Variants in FGF14 observed in about 807,000 individuals in gnomAD.
FGF14 encodes fibroblast growth factor 14.
In FGF14, 5 loss-of-function variants were observed where a neutral mutation model predicts 25.5. The ratio of observed to expected loss-of-function variants is 0.20; its 90% CI spans 0.10 to 0.41. The LOEUF (loss-of-function observed/expected upper bound fraction) is 0.41, where lower values mean the gene tolerates loss of function less well. FGF14 is among the 10% of genes least tolerant of loss of function. The pLI is 1.00. For missense variants in FGF14, 222 were observed against 320.1 expected (o/e 0.69, Z 2.34); for synonymous variants, 138 against 118.3 (o/e 1.17, Z -1.08).
At chr13:101,772,547 T>G (rs1197216274) in intron 3 of FGF14, among the ~76,000 whole-genome samples, 1 of 152,084 alleles carries the variant, frequency 6.6e-6, no homozygotes, top group African/African-American at 2.4e-5. Context: ...TATCTCTAGT[T>G]AAATGTGGGC....
At chr13:102,299,844 C>T (rs2054934822) in intron 1 of FGF14, 1 of 152,040 alleles carries the variant, frequency 6.6e-6, no homozygotes, top group Non-Finnish European at 1.5e-5. Context: ...TTTGAGAACA[C>T]ATCAACTTGG....
intron 1 of FGF14, among the ~76,000 whole-genome samples, chr13:102,378,007 G>A (rs1156575054): frequency 6.6e-6 from 1 of 152,198 alleles, no homozygotes; most frequent in Non-Finnish European, 1.5e-5. Context: ...AAGACTCAGT[G>A]ACAGAACAAG....
chr13:101,912,235 C>T (rs1315753376), intron 1 of FGF14, among the ~76,000 whole-genome samples: 1 of 152,044 alleles, frequency 6.6e-6, no homozygotes, highest in African/African-American at 2.4e-5. Context: ...ACTTTCCATT[C>T]CTTATACATA....
chr13:102,254,798 G>A (rs1044676996), intron 1 of FGF14, among the ~76,000 whole-genome samples: 1 of 152,194 alleles, frequency 6.6e-6, no homozygotes, highest in African/African-American at 2.4e-5. Flanking sequence ...CCCCTGAGGA[G>A]CAAAATGGCT....
intron 1 of FGF14, among the ~76,000 whole-genome samples, chr13:102,024,894 A>T (rs530833642): frequency 3.9e-5 from 6 of 151,920 alleles, no homozygotes; most frequent in African/African-American, 1.4e-4. Flanking sequence ...TCAATTGACC[A>T]TCAATGTTAG....
At chr13:101,966,749 G>A (rs1594854326) in intron 1 of FGF14, among the ~76,000 whole-genome samples, 1 of 152,124 alleles carries the variant, frequency 6.6e-6, no homozygotes, top group Non-Finnish European at 1.5e-5. Flanking sequence ...CCTAAGTGCT[G>A]GGATTACAGG....
chr13:102,161,767 A>G (rs917133616), intron 1 of FGF14, among the ~76,000 whole-genome samples: 2 of 151,678 alleles, frequency 1.3e-5, no homozygotes, highest in African/African-American at 4.8e-5. Context: ...ACTAAGCTCT[A>G]TGTGGGCAGG....
In FGF14 at chr13:102,400,949, G is replaced by A. The variant is rs1430946108; in HGVS notation, c.208+522C>T. ...GGAGCTGGACGGGGGAGGGACGCGG[G>A]GGCTGACGGAGGAGCGGGGCCGCGA... On this transcript the variant is annotated intron_variant, in intron 1 of 4. Coordinates refer to the FGF14 transcript ENST00000376131. The surrounding 1 kb of genome is among the most constrained non-coding windows in gnomAD (Gnocchi z 4.3). 6.6e-6 allele frequency among the ~76,000 whole-genome samples: 1 copy of A among 152,126 alleles called. No homozygotes were observed. Among genetic ancestry groups the A allele is most frequent in the African/African-American group, 2.4e-5 (1 of 41,416 alleles).
intron 1 of FGF14, among the ~76,000 whole-genome samples, chr13:102,325,857 G>T (rs2056408381): frequency 6.6e-6 from 1 of 152,080 alleles, no homozygotes; most frequent in Non-Finnish European, 1.5e-5. Context: ...CTGTTCACTG[G>T]TGTACTCTGG....
chr13:102,085,217 TC>T (rs11399262), intron 1 of FGF14, among the ~76,000 whole-genome samples: 2,418 of 151,758 alleles, frequency 0.016, 32 homozygotes, highest in East Asian at 0.031. Flanking sequence ...TTTCCTTTTT[TC>T]CCCCACCTCC....
At chr13:102,317,190 T>C (rs2056065376) in intron 1 of FGF14, among the ~76,000 whole-genome samples, 1 of 152,198 alleles carries the variant, frequency 6.6e-6, no homozygotes. Context: ...ATACAGTCAC[T>C]AGCTTTGTGA....
chr13:101,768,126 A>T (rs2038524193), intron 3 of FGF14, among the ~76,000 whole-genome samples: 1 of 152,148 alleles, frequency 6.6e-6, no homozygotes, highest in African/African-American at 2.4e-5. Context: ...CATAAGATAA[A>T]ATATCTATTA....
intron 1 of FGF14, among the ~76,000 whole-genome samples, chr13:102,184,665 A>G (rs1193591821): frequency 2.6e-5 from 4 of 152,176 alleles, no homozygotes; most frequent in African/African-American, 4.8e-5. Flanking sequence ...GCATTTGCCT[A>G]TCAAATGAAA....
chr13:101,955,061 A>T (rs1157391093), intron 1 of FGF14, among the ~76,000 whole-genome samples: 1 of 152,192 alleles, frequency 6.6e-6, no homozygotes, highest in East Asian at 1.9e-4. Flanking sequence ...TATTTGAACA[A>T]AGCTGCCACC....
intron 1 of FGF14, among the ~76,000 whole-genome samples, chr13:102,005,290 G>A (rs2039721760): frequency 1.3e-5 from 2 of 152,082 alleles, no homozygotes; most frequent in South Asian, 4.1e-4. Context: ...ATGCAAATAA[G>A]CCCAAGAAAT....
intron 1 of FGF14, among the ~76,000 whole-genome samples, chr13:102,155,835 C>T (rs1277956545): frequency 1.3e-5 from 2 of 151,794 alleles, no homozygotes; most frequent in Non-Finnish European, 2.9e-5. Context: ...ATATCACCAC[C>T]GATCCCACAG....
chr13:102,386,394 A>T (rs1000391038), intron 1 of FGF14, among the ~76,000 whole-genome samples: 4 of 152,148 alleles, frequency 2.6e-5, no homozygotes, highest in African/African-American at 9.7e-5. Context: ...AGCCTCCCAA[A>T]GTGCTGGGAT....
Position 102,156,765 on chromosome 13 carries a change from T to C in FGF14, c.208+244706A>G, listed in dbSNP as rs867797934. On this transcript the variant is annotated intron_variant, in intron 1 of 4. Coordinates refer to the FGF14 transcript ENST00000376131. Reference sequence around the variant, plus strand: ...ATGATTGTATATCTAGAAAACCCCATTGTCTCAGCCCAAAATCTCCTTAAG... The same window carrying C: ...ATGATTGTATATCTAGAAAACCCCACTGTCTCAGCCCAAAATCTCCTTAAG... Among the ~76,000 whole-genome samples the C allele has an allele frequency of 1.1e-4, 16 of 152,246 alleles. No individual in the cohort carries two copies. The East Asian group carries it at 1.7e-3, about 17-fold the overall frequency.
At chr13:102,377,663 C>T (rs565708291) in intron 1 of FGF14, among the ~76,000 whole-genome samples, 76 of 152,234 alleles carry the variant, frequency 5.0e-4, no homozygotes, top group African/African-American at 1.8e-3. Flanking sequence ...ACAAAATTAG[C>T]TGGGTGTGGT....
Sources: allele counts gnomAD v4.1 joint callset (sites outside exome capture counted in the v4.1 genomes callset), GRCh38; gene constraint gnomAD v4.1.1; non-coding constraint Gnocchi (gnomAD v3.1); transcripts MANE v1.5; gene names NCBI Gene and HGNC (gene_info 2026-07-23, HGNC 2026-07-21).